TBC1D22B: variants seen among roughly 807,000 people sequenced by gnomAD.
The protein encoded by TBC1D22B is chromosome 6 open reading frame 197.
Under a neutral mutation model 69.1 loss-of-function variants are expected in TBC1D22B, and 32 were observed. The observed-to-expected ratio is 0.46, with a 90% CI of 0.35 to 0.62. The LOEUF (loss-of-function observed/expected upper bound fraction) is 0.62. Among genes scored for constraint, TBC1D22B ranks in the 20% least tolerant of loss-of-function variants. TBC1D22B has a pLI of 0.00. For missense variants in TBC1D22B, 462 were observed against 630.9 expected (o/e 0.73, Z 2.87); for synonymous variants, 206 against 229.8 (o/e 0.90, Z 0.94).
intron 12 of TBC1D22B, among the ~76,000 whole-genome samples, chr6:37,324,732 C>T (rs1768343938): frequency 6.6e-6 from 1 of 152,118 alleles, no homozygotes; most frequent in Non-Finnish European, 1.5e-5. Flanking sequence ...GTTCCTTCTA[C>T]TTTATGCCTT....
chr6:37,258,804 AT>A (rs1244074774), intron 1 of TBC1D22B, among the ~76,000 whole-genome samples: 2 of 152,178 alleles, frequency 1.3e-5, no homozygotes, highest in Non-Finnish European at 2.9e-5. Context: ...CCTGAGAAGT[AT>A]AAGGAAGAGT....
At chr6:37,308,729 T>C (rs1767811776) in intron 8 of TBC1D22B, among the ~76,000 whole-genome samples, 1 of 152,244 alleles carries the variant, frequency 6.6e-6, no homozygotes, top group South Asian at 2.1e-4. Context: ...TAGAGAACTT[T>C]TAAAATTGAC....
intron 12 of TBC1D22B, among the ~76,000 whole-genome samples, chr6:37,327,640 C>T (rs569430752): frequency 8.5e-5 from 13 of 152,228 alleles, no homozygotes; most frequent in South Asian, 4.1e-4. Flanking sequence ...AAAGATGTTC[C>T]GATCAGCTAA....
At chr6:37,304,970 G>A (rs182146114) in intron 8 of TBC1D22B, among the ~76,000 whole-genome samples, 17 of 152,298 alleles carry the variant, frequency 1.1e-4, no homozygotes, top group Admixed American at 7.8e-4. Context: ...GTGGTGAGCC[G>A]CCTTCACACT....
intron 12 of TBC1D22B, among the ~76,000 whole-genome samples, chr6:37,321,563 C>A (rs1484744569): frequency 6.6e-6 from 1 of 152,210 alleles, no homozygotes; most frequent in Non-Finnish European, 1.5e-5. Context: ...GGTTTTTCTC[C>A]TTCCACTGCC....
At chr6:37,290,189 G>A (rs1212848497) in intron 7 of TBC1D22B, among the ~76,000 whole-genome samples, 2 of 152,036 alleles carry the variant, frequency 1.3e-5, no homozygotes, top group Non-Finnish European at 2.9e-5. Flanking sequence ...GCTTGAGAGG[G>A]CCTCTTCAAT....
chr6:37,324,979 T>G (rs1768351362), intron 12 of TBC1D22B, among the ~76,000 whole-genome samples: 1 of 152,268 alleles, frequency 6.6e-6, no homozygotes, highest in Non-Finnish European at 1.5e-5. Flanking sequence ...CCATCTGTTA[T>G]GTAATAAGTG....
Position 37,291,335 on chromosome 6 carries a change from C to T in TBC1D22B, c.960C>T (p.Val320=), listed in dbSNP as rs762180774. 4.3e-6 allele frequency: 7 copies of T among 1,611,400 alleles called. No individual in the cohort carries two copies. In the African/African-American group the frequency reaches 5.4e-5, roughly 12 times the overall value. Residue 320 remains valine (V), a synonymous_variant, in exon 8 of 13, where the codon GTC becomes GTT. Transcript: ENST00000373491. ...GINDLVTPFF[V]VFLSEYVEED... is the part of the protein sequence containing the mutation. ...ATGACCTGGTCACTCCATTCTTTGT[C>T]GTCTTCCTCTCAGAATATGTGGGTA... is the stretch of plus-strand genomic sequence containing the variant.
At chr6:37,311,734 C>T (rs964792252) in intron 8 of TBC1D22B, among the ~76,000 whole-genome samples, 1 of 152,162 alleles carries the variant, frequency 6.6e-6, no homozygotes, top group Non-Finnish European at 1.5e-5. Context: ...TGTCTAATGC[C>T]TGTGTCTCTG....
At chr6:37,283,854 A>G (rs536002035) in intron 5 of TBC1D22B, among the ~76,000 whole-genome samples, 1 of 152,330 alleles carries the variant, frequency 6.6e-6, no homozygotes, top group African/African-American at 2.4e-5. Flanking sequence ...GCTGCTTCCT[A>G]AGCTGGTAAT....
chr6:37,271,196 T>C (rs1187798031), intron 2 of TBC1D22B, among the ~76,000 whole-genome samples: 1 of 151,896 alleles, frequency 6.6e-6, no homozygotes, highest in Non-Finnish European at 1.5e-5. Context: ...GCCTGTAATT[T>C]CAGCTACTCC....
intron 10 of TBC1D22B, 54 bp from the exon 11 acceptor site, chr6:37,316,649 C>T (rs1177335358): frequency 1.5e-4 from 245 of 1,608,492 alleles, no homozygotes; most frequent in Non-Finnish European, 2.0e-4. Context: ...GCTCCTGTGG[C>T]CCTTTCAGGG....
At chr6:37,284,179 G>A (rs1239929834) in intron 5 of TBC1D22B, among the ~76,000 whole-genome samples, 157 bp from the exon 6 acceptor site, 1 of 152,152 alleles carries the variant, frequency 6.6e-6, no homozygotes, top group African/African-American at 2.4e-5. Flanking sequence ...CATTGAATGA[G>A]GAGAGGGCAA....
At chr6:37,277,229 G>T (rs772561474) in intron 2 of TBC1D22B, among the ~76,000 whole-genome samples, 1 of 152,132 alleles carries the variant, frequency 6.6e-6, no homozygotes, top group African/African-American at 2.4e-5. Context: ...TAATGTACAC[G>T]TGGCCTCTAA....
chr6:37,331,268 A>G lies in TBC1D22B; in HGVS notation c.*96A>G. 1 of 1,319,514 alleles carries G rather than the reference A, an allele frequency of 7.6e-7. No homozygotes were observed. The highest frequency in any genetic ancestry group is 1.1e-6 in the Non-Finnish European group (1 of 931,924). The allele number at this position is 1,319,514 out of a possible 1,614,324, so 81.7% of individuals were successfully genotyped here. A position where few individuals can be genotyped will look rare whatever the true frequency, so the allele number is the denominator to read the frequency against. On this transcript the variant is annotated 3_prime_UTR_variant, in exon 13 of 13. Transcript: ENST00000373491. ...GAGCCGTGGACCCCGGCCAGGAACC[A>G]CTCCTGTTGTACAAAGCTCACACCC...
Position 37,327,339 on chromosome 6 carries a change from G to A in TBC1D22B, c.1390-3705G>A, listed in dbSNP as rs1032446017. On this transcript the variant is annotated intron_variant, in intron 12 of 12. Transcript: ENST00000373491. ...TAAAAATGCAAAAAATTAGCCGGGC[G>A]TGGTGGTGGGCGCCTGTAGTCCCAG... 2.3e-4 allele frequency among the ~76,000 whole-genome samples: 31 copies of A among 135,612 alleles called. 5 individuals are homozygous for A. Among genetic ancestry groups the A allele is most frequent in the African/African-American group, 5.8e-4 (19 of 33,022 alleles). The allele number at this position is 135,612 out of a possible 152,430, so 89.0% of individuals were successfully genotyped here.
chr6:37,280,442 T>C (rs760707394), intron 3 of TBC1D22B, among the ~76,000 whole-genome samples: 2 of 152,234 alleles, frequency 1.3e-5, no homozygotes, highest in Non-Finnish European at 2.9e-5. Context: ...TTTTCGTGGC[T>C]GTAAGGTCTT....
At chr6:37,313,967 C>G in intron 10 of TBC1D22B, 76 bp downstream of exon 10, 1 of 1,334,954 alleles carries the variant, frequency 7.5e-7, no homozygotes, top group South Asian at 1.2e-5. Flanking sequence ...CTTGTGGGTC[C>G]TCTCCTCAGC....
At chr6:37,322,516 CA>C (rs1043622782) in intron 12 of TBC1D22B, among the ~76,000 whole-genome samples, 1 of 151,700 alleles carries the variant, frequency 6.6e-6, no homozygotes, top group African/African-American at 2.4e-5. Context: ...GACTCTGTCT[CA>C]AAAAAAGAAA....
Sources: gnomAD v4.1 joint callset for allele counts (sites outside exome capture counted in the v4.1 genomes callset) on GRCh38, gnomAD v4.1.1 for gene constraint, MANE v1.5 for transcripts, NCBI Gene and HGNC (gene_info 2026-07-23, HGNC 2026-07-21) for gene names.